Variants in PDE10A observed in about 807,000 individuals in gnomAD.
The protein encoded by PDE10A is cAMP and cAMP-inhibited cGMP 3',5'-cyclic phosphodiesterase 10A.
In PDE10A, 39 loss-of-function variants were observed where a neutral mutation model predicts 97.7. The ratio of observed to expected loss-of-function variants is 0.40; its 90% CI spans 0.31 to 0.52. PDE10A has a LOEUF of 0.52. Ranked by LOEUF, PDE10A falls within the 20% of genes least tolerant of loss-of-function variation. The pLI is 0.56. For missense variants in PDE10A, 731 were observed against 1,047.8 expected (o/e 0.70, Z 4.17); for synonymous variants, 371 against 376.8 (o/e 0.98, Z 0.18).
intron 1 of PDE10A, among the ~76,000 whole-genome samples, chr6:165,952,739 G>T (rs747273787): frequency 6.6e-6 from 1 of 152,018 alleles, no homozygotes; most frequent in Non-Finnish European, 1.5e-5. Context: ...AGAATCCTCC[G>T]CATCCTCCAG....
chr6:165,614,260 T>A (rs1787625586), intron 1 of PDE10A, among the ~76,000 whole-genome samples: 1 of 152,208 alleles, frequency 6.6e-6, no homozygotes, highest in Admixed American at 6.5e-5. Flanking sequence ...TTATTCCCCA[T>A]ACTCATCCTT....
chr6:165,514,596 G>T (rs1247656536), intron 2 of PDE10A, among the ~76,000 whole-genome samples: 1 of 152,180 alleles, frequency 6.6e-6, no homozygotes, highest in Admixed American at 6.5e-5. Context: ...CCCCAATCTT[G>T]AATGAAATCA....
chr6:165,635,997 T>A (rs1345716899), intron 1 of PDE10A, among the ~76,000 whole-genome samples: 1 of 152,248 alleles, frequency 6.6e-6, no homozygotes. Context: ...TATCATTATG[T>A]AAGCATTTTA....
At chr6:165,559,261 G>A (rs761593982) in intron 1 of PDE10A, among the ~76,000 whole-genome samples, 71 of 152,104 alleles carry the variant, frequency 4.7e-4, no homozygotes, top group Admixed American at 5.9e-4. Context: ...TTTCCAATAC[G>A]AAGTAGGAAA....
intron 16 of PDE10A, among the ~76,000 whole-genome samples, chr6:165,390,197 A>G (rs1785598391): frequency 6.6e-6 from 1 of 152,222 alleles, no homozygotes. Flanking sequence ...AGGGAGGAAC[A>G]GCTGGTGCAT....
intron 18 of PDE10A, among the ~76,000 whole-genome samples, chr6:165,356,751 A>T (rs779836807): frequency 6.6e-6 from 1 of 152,226 alleles, no homozygotes; most frequent in South Asian, 2.1e-4. Flanking sequence ...TTGATTTTTT[A>T]AAAAATGTTG....
chr6:165,686,255 A>G (rs1312289743), intron 1 of PDE10A, among the ~76,000 whole-genome samples: 1 of 152,052 alleles, frequency 6.6e-6, no homozygotes, highest in Non-Finnish European at 1.5e-5. Context: ...GATGTGATGC[A>G]TTCAGAGTCT....
intron 1 of PDE10A, among the ~76,000 whole-genome samples, chr6:165,783,167 G>A (rs1008816035): frequency 1.3e-5 from 2 of 152,178 alleles, no homozygotes; most frequent in Non-Finnish European, 2.9e-5. Flanking sequence ...TTGAGTAGAT[G>A]CTATGCCTGA....
intron 1 of PDE10A, among the ~76,000 whole-genome samples, chr6:165,649,964 G>A (rs551858846): frequency 2.6e-5 from 4 of 152,174 alleles, no homozygotes; most frequent in African/African-American, 7.2e-5. Context: ...TGCTTTCCAC[G>A]TTCAAATCTG....
intron 1 of PDE10A, chr6:165,894,573 T>C (rs562705890): frequency 9.9e-5 from 45 of 455,920 alleles, no homozygotes; most frequent in Non-Finnish European, 1.8e-5. Context: ...TTCTGGCTCC[T>C]GGAGAAGGAC....
intron 1 of PDE10A, among the ~76,000 whole-genome samples, chr6:165,549,733 A>T (rs1783921127): frequency 6.6e-6 from 1 of 152,202 alleles, no homozygotes; most frequent in African/African-American, 2.4e-5. Flanking sequence ...TGTCTTTATG[A>T]CAATATATTA....
intron 1 of PDE10A, among the ~76,000 whole-genome samples, chr6:165,975,333 C>T (rs1366139427): frequency 1.3e-5 from 2 of 152,154 alleles, no homozygotes; most frequent in South Asian, 2.1e-4. Context: ...ATTCCAGGTG[C>T]AGTGGCTCAT....
intron 1 of PDE10A, among the ~76,000 whole-genome samples, chr6:165,920,378 T>G (rs1184837212): frequency 2.0e-5 from 3 of 152,220 alleles, no homozygotes; most frequent in Admixed American, 2.0e-4. Context: ...CTTTCAAAAA[T>G]TTAAACCAAT....
intron 1 of PDE10A, 67 bp from the exon 2 acceptor site, chr6:165,543,635 A>G (rs1783581385): frequency 2.4e-6 from 3 of 1,254,416 alleles, no homozygotes; most frequent in Non-Finnish European, 3.4e-6. Flanking sequence ...AAGGTATAGT[A>G]TCACAACACA....
intron 1 of PDE10A, among the ~76,000 whole-genome samples, chr6:165,743,596 C>T (rs1280123086): frequency 1.3e-5 from 2 of 152,166 alleles, no homozygotes; most frequent in Admixed American, 1.3e-4. Context: ...AATGGATCAA[C>T]ATAGTTATAT....
At chr6:165,508,263 A>T (rs1781316324) in intron 2 of PDE10A, among the ~76,000 whole-genome samples, 1 of 152,058 alleles carries the variant, frequency 6.6e-6, no homozygotes, top group South Asian at 2.1e-4. Context: ...GTTTTCTGTC[A>T]CTGTATATTA....
rs117993494 is a variant in PDE10A, at chr6:165,365,609, A to G, written c.2783+13585T>C. On this transcript the variant is annotated intron_variant, in intron 18 of 21. Transcript: ENST00000539869. ...TGCCTATGGTCTCAGCTATTTAGCT[A>G]CTTGAAAGACTGAGGTAGGAGGAAC... Among the ~76,000 whole-genome samples the G allele has an allele frequency of 2.9e-3, 435 of 152,304 alleles. 3 individuals carry two copies. The highest frequency in any genetic ancestry group is 4.8e-3 in the Non-Finnish European group (329 of 68,024).
chr6:165,595,899 C>G (rs1012558024), intron 1 of PDE10A, among the ~76,000 whole-genome samples: 1 of 152,230 alleles, frequency 6.6e-6, no homozygotes. Context: ...GCCCCACATT[C>G]TAATACCATC....
chr6:165,639,265 T>G (rs1666436215), intron 1 of PDE10A, among the ~76,000 whole-genome samples: 1 of 152,186 alleles, frequency 6.6e-6, no homozygotes, highest in Non-Finnish European at 1.5e-5. Flanking sequence ...CAAACTCCAG[T>G]CAATTGACTG....
Sources: allele counts gnomAD v4.1 joint callset (sites outside exome capture counted in the v4.1 genomes callset), GRCh38; gene constraint gnomAD v4.1.1; transcripts MANE v1.5; gene names NCBI Gene and HGNC (gene_info 2026-07-23, HGNC 2026-07-21).